Variants in WWOX observed in about 807,000 individuals in gnomAD.
WWOX encodes the protein WW domain-containing oxidoreductase.
Under a neutral mutation model 46.2 loss-of-function variants are expected in WWOX, and 69 were observed. The observed-to-expected ratio is 1.49, with a 90% CI of 1.23 to 1.82. The LOEUF is 1.82. WWOX is among the 40% of genes most tolerant of loss of function. The pLI is 0.00. For synonymous variants in WWOX, 359 were observed against 202.6 expected (o/e 1.77, Z -6.56); for missense variants, 919 against 542.6 (o/e 1.69, Z -6.89).
chr16:78,625,125 A>T (rs755418766), intron 8 of WWOX, among the ~76,000 whole-genome samples: 2 of 152,156 alleles, frequency 1.3e-5, no homozygotes, highest in African/African-American at 2.4e-5. Context: ...GCCATTCCTA[A>T]GCTACTAAAA....
chr16:78,938,680 G>C (rs1031313652), intron 8 of WWOX, among the ~76,000 whole-genome samples: 22 of 152,172 alleles, frequency 1.4e-4, no homozygotes, highest in African/African-American at 5.1e-4. Flanking sequence ...TGGGGAGATA[G>C]CAATGAAGGC....
At chr16:78,920,287 C>T (rs989515279) in intron 8 of WWOX, among the ~76,000 whole-genome samples, 1 of 152,194 alleles carries the variant, frequency 6.6e-6, no homozygotes, top group African/African-American at 2.4e-5. Flanking sequence ...GTGACCTGGT[C>T]ACTCTGGGGC....
At chr16:78,345,926 G>C (rs2081087302) in intron 5 of WWOX, among the ~76,000 whole-genome samples, 1 of 117,694 alleles carries the variant, frequency 8.5e-6, no homozygotes, top group East Asian at 1.9e-4. Context: ...AATGAGTTTT[G>C]ACAGATGCAC....
At chr16:79,210,226 A>T (rs1045526261) in intron 8 of WWOX, among the ~76,000 whole-genome samples, 10 of 152,230 alleles carry the variant, frequency 6.6e-5, no homozygotes. Context: ...GACACTGAAG[A>T]AGCTAAAACC....
chr16:78,688,202 C>G (rs1425043224), intron 8 of WWOX, among the ~76,000 whole-genome samples: 1 of 151,248 alleles, frequency 6.6e-6, no homozygotes, highest in Non-Finnish European at 1.5e-5. Flanking sequence ...ATAAAAGTGA[C>G]AAGATGTCCA....
intron 8 of WWOX, among the ~76,000 whole-genome samples, chr16:78,501,191 C>CTTTTTTTTTTTTTT (rs201759001): frequency 9.3e-6 from 1 of 107,538 alleles, no homozygotes; most frequent in African/African-American, 3.1e-5. Flanking sequence ...CTCTTTCTTT[C>CTTTTTTTTTTTTTT]TCTTTTTTTT....
chr16:78,954,119 A>T (rs1483524503), intron 8 of WWOX, among the ~76,000 whole-genome samples: 2 of 152,096 alleles, frequency 1.3e-5, no homozygotes, highest in Non-Finnish European at 2.9e-5. Flanking sequence ...TCTTTTTTAA[A>T]TTGTTAAGAT....
rs148034183 is a variant in WWOX at position 78,788,562 on chromosome 16, G to A, written c.1056+355810G>A. Among the ~76,000 whole-genome samples, 14 of 152,326 alleles carry A rather than the reference G, an allele frequency of 9.2e-5. 1 individual carries two copies. In the East Asian group the frequency reaches 2.7e-3, roughly 29 times the overall value. On this transcript the variant is annotated intron_variant, in intron 8 of 8. Transcript: ENST00000566780. The stretch of plus-strand genomic sequence containing the variant: ...AGCTGAAGACAAGGAGGTTCCTGGA[G>A]CGTGGCTGCCTAGGAAGGGCTGGAA...
chr16:78,840,740 G>C (rs772692673), intron 8 of WWOX, among the ~76,000 whole-genome samples: 18 of 151,776 alleles, frequency 1.2e-4, no homozygotes, highest in Non-Finnish European at 2.5e-4. Context: ...CCTAGTAGGT[G>C]TGTATGTACA....
intron 8 of WWOX, among the ~76,000 whole-genome samples, chr16:79,116,664 C>G (rs2049521929): frequency 6.6e-6 from 1 of 152,144 alleles, no homozygotes; most frequent in East Asian, 1.9e-4. Context: ...GGGCTCAAGA[C>G]TTACTTCCTC....
chr16:78,331,646 G>C (rs138167496), intron 5 of WWOX, among the ~76,000 whole-genome samples: 129 of 152,192 alleles, frequency 8.5e-4, no homozygotes, highest in African/African-American at 3.1e-3. Flanking sequence ...TATTTCACTG[G>C]GTTCATGGGT....
intron 5 of WWOX, among the ~76,000 whole-genome samples, chr16:78,288,281 T>G (rs1332734290): frequency 1.3e-5 from 2 of 151,734 alleles, no homozygotes; most frequent in Non-Finnish European, 2.9e-5. Flanking sequence ...TTTTTTTTTT[T>G]TTGCTTTAAC....
At chr16:78,152,061 G>A (rs2034429213) in intron 4 of WWOX, among the ~76,000 whole-genome samples, 1 of 152,112 alleles carries the variant, frequency 6.6e-6, no homozygotes, top group African/African-American at 2.4e-5. Context: ...GTGGTGGCGG[G>A]CGCCTGTAGT....
chr16:78,588,453 A>C (rs2045271373), intron 8 of WWOX, among the ~76,000 whole-genome samples: 1 of 152,220 alleles, frequency 6.6e-6, no homozygotes, highest in South Asian at 2.1e-4. Context: ...GTTCAGCAGC[A>C]AAAATCTGCC....
At chr16:78,699,814 T>C (rs1227485238) in intron 8 of WWOX, among the ~76,000 whole-genome samples, 1 of 152,208 alleles carries the variant, frequency 6.6e-6, no homozygotes, top group Non-Finnish European at 1.5e-5. Flanking sequence ...TTATGCATTC[T>C]TGTTAATTTA....
chr16:78,606,678 C>T (rs2045765681), intron 8 of WWOX, among the ~76,000 whole-genome samples: 2 of 150,650 alleles, frequency 1.3e-5, no homozygotes, highest in African/African-American at 2.4e-5. Flanking sequence ...TGAAGCCAGC[C>T]CGATTAGGAC....
intron 8 of WWOX, among the ~76,000 whole-genome samples, chr16:78,507,856 A>G (rs147023064): frequency 1.2e-3 from 185 of 152,226 alleles, no homozygotes; most frequent in Middle Eastern, 6.8e-3. Flanking sequence ...TGTCCAACCC[A>G]TGGCCCCCGG....
intron 8 of WWOX, among the ~76,000 whole-genome samples, chr16:78,644,200 C>G (rs2046788178): frequency 6.6e-6 from 1 of 152,022 alleles, no homozygotes; most frequent in African/African-American, 2.4e-5. Context: ...CCAGCCTGGG[C>G]AACGAGCGAA....
At chr16:79,034,976 C>G (rs1006106915) in intron 8 of WWOX, among the ~76,000 whole-genome samples, 1 of 152,150 alleles carries the variant, frequency 6.6e-6, no homozygotes, top group South Asian at 2.1e-4. Flanking sequence ...AAATCAGAAG[C>G]AAAATCATTG....
Sources: gnomAD v4.1 joint callset for allele counts (sites outside exome capture counted in the v4.1 genomes callset) on GRCh38, gnomAD v4.1.1 for gene constraint, MANE v1.5 for transcripts, NCBI Gene and HGNC (gene_info 2026-07-23, HGNC 2026-07-21) for gene names.